The following NECTIN1 variants were observed in gnomAD, a reference collection of about 807,000 sequenced individuals.
NECTIN1 encodes nectin-1.
In NECTIN1, 23 loss-of-function variants were observed where a neutral mutation model predicts 48.0. The ratio of observed to expected loss-of-function variants is 0.48; its 90% confidence interval spans 0.34 to 0.68. NECTIN1 has a LOEUF of 0.68. Ranked by LOEUF, NECTIN1 falls within the 30% of genes least tolerant of loss-of-function variation. The pLI is 0.01. For synonymous variants in NECTIN1, 270 were observed against 288.9 expected, an observed-to-expected ratio of 0.93 and a Z score of 0.66; for missense variants, 591 against 709.9, an observed-to-expected ratio of 0.83 and a Z score of 1.90.
chr11:119,710,141 C>T (rs1034454756), intron 1 of NECTIN1: 1 of 152,208 alleles, frequency 6.6e-6, no homozygotes, highest in Non-Finnish European at 1.5e-5. Context: ...GCAGCCACAG[C>T]TTTCCATTTA....
intron 5 of NECTIN1, among the ~76,000 whole-genome samples, chr11:119,670,119 C>A (rs145113109): frequency 6.6e-6 from 1 of 152,014 alleles, no homozygotes; most frequent in Non-Finnish European, 1.5e-5. Flanking sequence ...CCACCACACC[C>A]GGCTAATTTT....
At chr11:119,655,221 T>G (rs2135534969) in intron 5 of NECTIN1, among the ~76,000 whole-genome samples, 1 of 152,248 alleles carries the variant, frequency 6.6e-6, no homozygotes, top group Non-Finnish European at 1.5e-5. Context: ...AACAGACTTT[T>G]TTTTTTTTTA....
At chr11:119,685,110 C>T (rs1438901195) in intron 1 of NECTIN1, among the ~76,000 whole-genome samples, 1 of 152,366 alleles carries the variant, frequency 6.6e-6, no homozygotes, top group South Asian at 2.1e-4. Flanking sequence ...TGCTGTTAGT[C>T]TGGCATCTCT....
chr11:119,719,201 T>G (rs1865790494), intron 1 of NECTIN1, among the ~76,000 whole-genome samples: 1 of 152,168 alleles, frequency 6.6e-6, no homozygotes, highest in African/African-American at 2.4e-5. Flanking sequence ...ACTCCCCAAA[T>G]GCATCAGGCA....
intron 5 of NECTIN1, among the ~76,000 whole-genome samples, chr11:119,651,575 G>C (rs1259290761): frequency 6.6e-6 from 1 of 152,026 alleles, no homozygotes; most frequent in Non-Finnish European, 1.5e-5. Flanking sequence ...TCATTAGCAG[G>C]GGAGCTCCTT....
chr11:119,727,861 C>T lies in NECTIN1; in HGVS notation c.79+614G>A, dbSNP rs561405817. Among the ~76,000 whole-genome samples, 29 of 152,348 alleles carry T rather than the reference C, an allele frequency of 1.9e-4. No homozygotes were observed. The highest frequency in any genetic ancestry group is 3.4e-3 in the Middle Eastern group (1 of 294). On this transcript the variant is annotated intron_variant, in intron 1 of 5. Transcript: ENST00000264025. This position sits in a 1 kb window ranked among gnomAD's most constrained non-coding sequence, Gnocchi z 4.1. The stretch of plus-strand genomic sequence containing the variant: ...AGGGGGAGCCCGGTCCCGCGCCAGG[C>T]CGGGAGGAGGCTGCCCCGGCCTCAC...
intron 1 of NECTIN1, among the ~76,000 whole-genome samples, chr11:119,701,939 T>G (rs1018980440): frequency 6.6e-6 from 1 of 152,080 alleles, no homozygotes; most frequent in African/African-American, 2.4e-5. Flanking sequence ...CACTCCCAAT[T>G]ATCTCCCTCT....
At chr11:119,674,357 A>C (rs944341663) in intron 5 of NECTIN1, 3 of 1,433,166 alleles carry the variant, frequency 2.1e-6, no homozygotes, top group Non-Finnish European at 2.7e-6. Context: ...TGATGCTTCC[A>C]TTAATAATAA....
Position 119,678,629 on chromosome 11 carries a change from A to G in NECTIN1, c.216T>C (p.Asn72=). The part of the protein sequence containing the change: ...ITQVTWQKST[N]GSKQNVAIYN... Reference sequence around the variant, plus strand: ...AGATGGCCACGTTCTGCTTGGAGCCATTGGTGGACTTCTGCCATGTGACCT... The same window carrying G: ...AGATGGCCACGTTCTGCTTGGAGCCGTTGGTGGACTTCTGCCATGTGACCT... Residue 72 remains asparagine, a synonymous_variant, in exon 2 of 6, where the codon AAT becomes AAC. Coordinates refer to ENST00000264025, the MANE Select transcript of NECTIN1 (RefSeq NM_002855.5). This position sits in a 1 kb window ranked among gnomAD's most constrained non-coding sequence, Gnocchi z 4.4. 6.2e-7 allele frequency: 1 copy of G among 1,614,112 alleles called. No individual in the cohort carries two copies. The highest frequency in any genetic ancestry group is 8.5e-7 in the Non-Finnish European group (1 of 1,180,030).
At position 119,655,096 on chromosome 11, in the gene NECTIN1, A is replaced by G. The variant is rs185203608; in HGVS notation, c.1004-15084T>C. On this transcript the variant is annotated intron_variant, in intron 5 of 7. Transcript: ENST00000341398. Reference sequence around the variant, plus strand: ...GGCTAATTTTTTGTATTTTTAGTGGAGATGGGGTTTCACCATGTTGGCCAG... The same window carrying G: ...GGCTAATTTTTTGTATTTTTAGTGGGGATGGGGTTTCACCATGTTGGCCAG... 4.8e-3 allele frequency among the ~76,000 whole-genome samples: 726 copies of G among 150,346 alleles called. 6 individuals carry two copies. The highest frequency in any genetic ancestry group is 0.017 in the African/African-American group (673 of 40,784).
In NECTIN1 at chr11:119,663,139, CT is replaced by C. The variant is rs1864697338; in HGVS notation, c.*1607del. 1.0e-6 allele frequency: 1 copy of C among 985,444 alleles called. No homozygotes were observed. Among genetic ancestry groups the C allele is most frequent in the South Asian group, 4.7e-5 (1 of 21,294 alleles). The allele number at this position is 985,444 out of a possible 1,614,324, so 61.0% of individuals were successfully genotyped here. On this transcript the variant is annotated 3_prime_UTR_variant, in exon 6 of 6. Transcript: ENST00000264025. Reference sequence around the variant, plus strand: ...CAACACTTGCCATCCTGCAGAGCCCCTGACACCCTGGGGTGAGTTAACTGGA... The same window carrying C: ...CAACACTTGCCATCCTGCAGAGCCCCGACACCCTGGGGTGAGTTAACTGGA...
At chr11:119,705,501 C>A (rs775211519) in intron 1 of NECTIN1, among the ~76,000 whole-genome samples, 7 of 152,214 alleles carry the variant, frequency 4.6e-5, no homozygotes, top group Non-Finnish European at 1.0e-4. Flanking sequence ...AACCATGTGG[C>A]CACCTGGGAG....
rs1864749834 is a variant in NECTIN1 at position 119,665,422 on chromosome 11, C to A, written c.1004-125G>T. The A allele has an allele frequency of 6.9e-7, 1 of 1,439,154 alleles. No homozygotes were observed. Among genetic ancestry groups the A allele is most frequent in the Non-Finnish European group, 9.1e-7 (1 of 1,098,052 alleles). The allele number at this position is 1,439,154 out of a possible 1,614,324, so 89.1% of individuals were successfully genotyped here. ...AGGCTGTCTGCACCCCAGGTTTGAG[C>A]AGCTCCAGTTCGAGGCCCCGCAGCA... On this transcript the variant is annotated intron_variant, in intron 5 of 5. Transcript: ENST00000264025. The surrounding 1 kb of genome is among the most constrained non-coding windows in gnomAD (Gnocchi z 5.1).
intron 1 of NECTIN1, chr11:119,714,006 G>T (rs1865706180): frequency 2.6e-6 from 1 of 383,122 alleles, no homozygotes; most frequent in South Asian, 1.9e-5. Flanking sequence ...CCCCCCCTTG[G>T]TATTCAGGAC....
At chr11:119,680,898 C>A (rs1004589927) in intron 1 of NECTIN1, among the ~76,000 whole-genome samples, 2 of 152,214 alleles carry the variant, frequency 1.3e-5, no homozygotes, top group East Asian at 3.9e-4. Flanking sequence ...TATCCAGCCA[C>A]GAGTTGGGAA....
chr11:119,716,036 A>T (rs1243951989), intron 1 of NECTIN1, among the ~76,000 whole-genome samples: 1 of 152,194 alleles, frequency 6.6e-6, no homozygotes, highest in African/African-American at 2.4e-5. Flanking sequence ...TCCTACAGGG[A>T]CTGGCACTGG....
intron 1 of NECTIN1, among the ~76,000 whole-genome samples, chr11:119,705,287 C>T (rs1460957625): frequency 6.6e-6 from 1 of 152,160 alleles, no homozygotes; most frequent in Non-Finnish European, 1.5e-5. Flanking sequence ...TCATTCAGTA[C>T]CTATTAGGTC....
chr11:119,689,920 T>C (rs955957661), intron 1 of NECTIN1, among the ~76,000 whole-genome samples: 2 of 152,238 alleles, frequency 1.3e-5, no homozygotes, highest in African/African-American at 4.8e-5. Context: ...GGTATCTGCA[T>C]AGGCACCAAA....
At chr11:119,723,914 C>T (rs920371284) in intron 1 of NECTIN1, among the ~76,000 whole-genome samples, 1 of 152,132 alleles carries the variant, frequency 6.6e-6, no homozygotes, top group Non-Finnish European at 1.5e-5. Context: ...CATGGGGAAA[C>T]GTTTTCTAGT....
Sources: allele counts gnomAD v4.1 joint callset (sites outside exome capture counted in the v4.1 genomes callset), GRCh38; gene constraint gnomAD v4.1.1; non-coding constraint Gnocchi (gnomAD v3.1); transcripts MANE v1.5; gene names NCBI Gene and HGNC (gene_info 2026-07-23, HGNC 2026-07-21).